The following RAC1 variants were observed in gnomAD, a reference collection of about 807,000 sequenced individuals.
RAC1 encodes the protein Rac family small GTPase 1, also known as ras-related C3 botulinum toxin substrate 1.
Under a neutral mutation model 25.2 loss-of-function variants are expected in RAC1, and 2 were observed. The ratio of observed to expected loss-of-function variants is 0.08; its 90% CI spans 0.03 to 0.25. The LOEUF is 0.25. Ranked by LOEUF, RAC1 falls within the 10% of genes least tolerant of loss-of-function variation. The probability of loss-of-function intolerance (pLI) is 1.00; values close to 1 mark genes in which losing one functional copy is unlikely to be tolerated. For missense variants in RAC1, 50 were observed against 235.7 expected, an observed-to-expected ratio of 0.21 and a Z score of 5.16; for synonymous variants, 88 against 94.0, an observed-to-expected ratio of 0.94 and a Z score of 0.37.
intron 3 of RAC1, among the ~76,000 whole-genome samples, chr7:6,395,451 C>G (rs959598097): frequency 3.3e-5 from 5 of 152,236 alleles, no homozygotes; most frequent in African/African-American, 7.2e-5. Flanking sequence ...AGTTGTTACT[C>G]TTCGCCGCGA....
chr7:6,376,523 G>A (rs1356090088), intron 1 of RAC1, among the ~76,000 whole-genome samples: 3 of 129,184 alleles, frequency 2.3e-5, no homozygotes, highest in Admixed American at 8.4e-5. Flanking sequence ...TTTTTTTTGA[G>A]ACGGGGTCTC....
chr7:6,387,751 G>A (rs1252483748), intron 2 of RAC1, among the ~76,000 whole-genome samples: 1 of 151,710 alleles, frequency 6.6e-6, no homozygotes, highest in African/African-American at 2.4e-5. Flanking sequence ...AAGAAACTTA[G>A]GGTAATATAA....
intron 3 of RAC1, among the ~76,000 whole-genome samples, chr7:6,396,847 G>A (rs545323372): frequency 2.6e-5 from 4 of 152,078 alleles, no homozygotes; most frequent in African/African-American, 7.2e-5. Context: ...TGGCTAACAC[G>A]TTGAAACCTC....
At chr7:6,376,292 C>T (rs1466896463) in intron 1 of RAC1, among the ~76,000 whole-genome samples, 1 of 146,382 alleles carries the variant, frequency 6.8e-6, no homozygotes, top group Admixed American at 7.0e-5. Flanking sequence ...AAGCGATCCT[C>T]CTGCCTCAGT....
chr7:6,390,597 C>CA lies in RAC1; in HGVS notation c.108-1317dup, dbSNP rs1436549557. On this transcript the variant is annotated intron_variant, in intron 2 of 5. Coordinates refer to ENST00000348035, the MANE Select transcript of RAC1 (RefSeq NM_006908.5). ...CCTGGGTGACAGTGAGATTCTGTCT[C>CA]AAAAAAAAAATAATAATAATAATGA... Among the ~76,000 whole-genome samples the CA allele has an allele frequency of 5.7e-3, 796 of 139,256 alleles. 6 individuals are homozygous for CA. Among genetic ancestry groups the CA allele is most frequent in the African/African-American group, 0.016 (614 of 38,060 alleles). The allele number at this position is 139,256 out of a possible 152,430, so 91.4% of individuals were successfully genotyped here.
Position 6,400,314 on chromosome 7 carries a change from A to G in RAC1, c.288+126A>G, listed in dbSNP as rs836549. On this transcript the variant is annotated intron_variant, in intron 4 of 5. Coordinates refer to ENST00000348035, the MANE Select transcript of RAC1 (RefSeq NM_006908.5). ...ATTGGTTTTAGCAATTTGCTACTTA[A>G]GTACATGATTGGGTTTTTTTTTTTC... 0.54 allele frequency: 476,071 copies of G among 880,108 alleles called. 138,840 individuals carry two copies. Among genetic ancestry groups the G allele is most frequent in the East Asian group, 0.91 (36,770 of 40,462 alleles). 54.5% of individuals were successfully genotyped at this position (880,108 alleles called of 1,614,324 possible).
chr7:6,393,432 C>T (rs1317787505), intron 3 of RAC1, among the ~76,000 whole-genome samples: 4 of 152,126 alleles, frequency 2.6e-5, no homozygotes, highest in East Asian at 1.9e-4. Context: ...AAGAGCCACC[C>T]TGCTGTGACT....
intron 3 of RAC1, among the ~76,000 whole-genome samples, chr7:6,397,487 G>A (rs928755170): frequency 4.3e-4 from 66 of 151,750 alleles, no homozygotes; most frequent in Non-Finnish European, 7.9e-4. Context: ...TAGACACAGG[G>A]TTTCACCATC....
chr7:6,402,215 G>A lies in RAC1; in HGVS notation c.449-101G>A, dbSNP rs1783421627. On this transcript the variant is annotated intron_variant, in intron 5 of 5. Coordinates refer to ENST00000348035, the MANE Select transcript of RAC1 (RefSeq NM_006908.5). ...GAAGGTGGAAGCAGGGCTGGGAGCC[G>A]GCAGAAGGCGCCCGGGCCCCAGGAG... The A allele has an allele frequency of 2.7e-6, 4 of 1,502,398 alleles. No homozygotes were observed. The South Asian group carries it at 4.0e-5, about 15-fold the overall frequency. 93.1% of individuals were successfully genotyped at this position (1,502,398 alleles called of 1,614,324 possible).
intron 1 of RAC1, among the ~76,000 whole-genome samples, chr7:6,376,672 G>GTT (rs71008385): frequency 1.6e-4 from 16 of 99,942 alleles, no homozygotes; most frequent in Non-Finnish European, 2.8e-4. Flanking sequence ...CAGCTAATTT[G>GTT]TTTTTTTTTT....
At chr7:6,396,589 A>G (rs934726465) in intron 3 of RAC1, among the ~76,000 whole-genome samples, 5 of 152,150 alleles carry the variant, frequency 3.3e-5, no homozygotes, top group Admixed American at 2.6e-4. Context: ...TGGAAGCTGC[A>G]TTTTTGTAAC....
chr7:6,389,306 T>A (rs1339347614), intron 2 of RAC1, among the ~76,000 whole-genome samples: 2 of 152,080 alleles, frequency 1.3e-5, no homozygotes, highest in African/African-American at 2.4e-5. Flanking sequence ...GGCCTCTTAG[T>A]ACACACTGCC....
At chr7:6,376,367 A>G (rs183878250) in intron 1 of RAC1, among the ~76,000 whole-genome samples, 5 of 151,016 alleles carry the variant, frequency 3.3e-5, no homozygotes, top group South Asian at 2.1e-4. Flanking sequence ...ATTTTTTAGT[A>G]GAGACGGGGT....
At chr7:6,376,501 C>T (rs866287301) in intron 1 of RAC1, among the ~76,000 whole-genome samples, 487 of 89,744 alleles carry the variant, frequency 5.4e-3, no homozygotes, top group African/African-American at 0.011. Context: ...TTTTTTTTTT[C>T]TTTTCTTTTT....
chr7:6,382,446 T>C (rs1782794451), intron 1 of RAC1, among the ~76,000 whole-genome samples: 1 of 152,234 alleles, frequency 6.6e-6, no homozygotes, highest in South Asian at 2.1e-4. Context: ...CTTGGATCTT[T>C]TATTTTTTTA....
intron 1 of RAC1, among the ~76,000 whole-genome samples, chr7:6,380,815 A>G (rs1293136344): frequency 6.6e-6 from 1 of 152,134 alleles, no homozygotes; most frequent in African/African-American, 2.4e-5. Flanking sequence ...TCCTGTTATC[A>G]GAGGGAACCT....
At position 6,374,784 on chromosome 7, in the gene RAC1, C is replaced by T. The variant is rs745566754; in HGVS notation, c.35+14C>T. On this transcript the variant is annotated intron_variant, in intron 1 of 5. Coordinates refer to ENST00000348035, the MANE Select transcript of RAC1 (RefSeq NM_006908.5). The stretch of plus-strand genomic sequence containing the variant: ...GGTGGGAGACGGGTGAGTGCGCGGC[C>T]GGGGCCGGGCTGGAGGCCGCGGGAT... 1.6e-4 allele frequency: 181 copies of T among 1,127,278 alleles called. 1 individual carries two copies. The highest frequency in any genetic ancestry group is 6.2e-5 in the Non-Finnish European group (57 of 916,876). 69.8% of individuals were successfully genotyped at this position (1,127,278 alleles called of 1,614,324 possible). A position where few individuals can be genotyped will look rare whatever the true frequency, so the allele number is the denominator to read the frequency against.
chr7:6,402,410 C>G lies in RAC1; in HGVS notation c.543C>G (p.Pro181=), dbSNP rs144238799. The G allele has an allele frequency of 1.2e-6, 2 of 1,607,880 alleles. No individual in the cohort carries two copies. Among genetic ancestry groups the G allele is most frequent in the South Asian group, 1.1e-5 (1 of 90,808 alleles). The change falls in exon 6 of 6, where the codon CCC becomes CCG. Residue 181 remains proline (P), a synonymous_variant. Coordinates refer to ENST00000348035, the MANE Select transcript of RAC1 (RefSeq NM_006908.5). ...TCCGAGCAGTCCTCTGCCCGCCTCC[C>G]GTGAAGAAGAGGAAGAGAAAATGCC... ...EAIRAVLCPP[P]VKKRKRKCLL...
Position 6,402,302 on chromosome 7 carries a change from C to A in RAC1, c.449-14C>A, listed in dbSNP as rs367763191. 6.3e-7 allele frequency: 1 copy of A among 1,597,234 alleles called. No individual in the cohort carries two copies. The highest frequency in any genetic ancestry group is 8.5e-7 in the Non-Finnish European group (1 of 1,171,888). On this transcript the variant is annotated splice_polypyrimidine_tract_variant and intron_variant, in intron 5 of 5. Coordinates refer to ENST00000348035, the MANE Select transcript of RAC1 (RefSeq NM_006908.5). ...GGTCGAGTGTACATTGCCGTGTGGT[C>A]GTGTTTCCTGTAGGTGCTGTAAAAT...
Sources: allele counts gnomAD v4.1 joint callset (sites outside exome capture counted in the v4.1 genomes callset), GRCh38; gene constraint gnomAD v4.1.1; transcripts MANE v1.5; gene names NCBI Gene and HGNC (gene_info 2026-07-23, HGNC 2026-07-21).